NALF1: variants seen among roughly 807,000 people sequenced by gnomAD.
NALF1 encodes the protein family with sequence similarity 155 member A.
In NALF1, 3 loss-of-function variants were observed where a neutral mutation model predicts 48.4. The ratio of observed to expected loss-of-function variants is 0.06; its 90% CI spans 0.03 to 0.16. The LOEUF (loss-of-function observed/expected upper bound fraction) is 0.16, where lower values mean the gene tolerates loss of function less well. Ranked by LOEUF, NALF1 falls within the 10% of genes least tolerant of loss-of-function variation. The pLI, the probability that NALF1 is intolerant of heterozygous loss-of-function variation, is 1.00. For synonymous variants in NALF1, 262 were observed against 245.7 expected, an observed-to-expected ratio of 1.07 and a Z score of -0.62; for missense variants, 526 against 571.5, an observed-to-expected ratio of 0.92 and a Z score of 0.81.
intron 1 of NALF1, among the ~76,000 whole-genome samples, chr13:107,363,964 A>C (rs557261179): frequency 2.1e-4 from 32 of 152,324 alleles, no homozygotes; most frequent in Admixed American, 1.4e-3. Flanking sequence ...AATAGGCATA[A>C]ATAAAAATGA....
chr13:107,550,086 A>G (rs1204927636), intron 1 of NALF1, among the ~76,000 whole-genome samples: 1 of 152,172 alleles, frequency 6.6e-6, no homozygotes, highest in Non-Finnish European at 1.5e-5. Flanking sequence ...CACTTTAGAC[A>G]GCATTGAAAC....
chr13:107,289,673 G>A (rs1040264348), intron 1 of NALF1, among the ~76,000 whole-genome samples: 1 of 152,142 alleles, frequency 6.6e-6, no homozygotes, highest in Non-Finnish European at 1.5e-5. Flanking sequence ...GCATCTGAGT[G>A]TACACATGAA....
At chr13:107,707,929 T>G (rs1431696351) in intron 1 of NALF1, among the ~76,000 whole-genome samples, 1 of 152,158 alleles carries the variant, frequency 6.6e-6, no homozygotes, top group Non-Finnish European at 1.5e-5. Context: ...AGACACACAG[T>G]GATCTCTGGT....
chr13:107,258,604 A>G (rs1044180516), intron 1 of NALF1, among the ~76,000 whole-genome samples: 6 of 152,220 alleles, frequency 3.9e-5, no homozygotes, highest in African/African-American at 1.4e-4. Flanking sequence ...CTAACTAGAT[A>G]AGCTTGATAT....
rs1399948006 is a variant in NALF1, at chr13:107,386,044, A to G, written c.916-175289T>C. On this transcript the variant is annotated intron_variant, in intron 1 of 2. Transcript: ENST00000375915. Reference sequence around the variant, plus strand: ...GGTCTATAAAAACCAGATACTTACCAATTTTAGTTTTAAAATAGAGCTTCC... The same window carrying G: ...GGTCTATAAAAACCAGATACTTACCGATTTTAGTTTTAAAATAGAGCTTCC... 2.6e-5 allele frequency among the ~76,000 whole-genome samples: 4 copies of G among 152,196 alleles called. 1 individual carries two copies. The highest frequency in any genetic ancestry group is 6.5e-5 in the Admixed American group (1 of 15,276).
intron 1 of NALF1, among the ~76,000 whole-genome samples, chr13:107,378,353 C>T (rs758621582): frequency 7.3e-5 from 11 of 151,530 alleles, no homozygotes; most frequent in Admixed American, 1.3e-4. Context: ...GTGGTTATTA[C>T]AATGTAATTG....
intron 1 of NALF1, among the ~76,000 whole-genome samples, chr13:107,715,096 A>C (rs1297320498): frequency 6.6e-6 from 1 of 152,206 alleles, no homozygotes; most frequent in African/African-American, 2.4e-5. Context: ...TAATCACATC[A>C]GGATAATCGG....
chr13:107,397,334 A>T (rs965468419), intron 1 of NALF1, among the ~76,000 whole-genome samples: 1 of 152,160 alleles, frequency 6.6e-6, no homozygotes, highest in Non-Finnish European at 1.5e-5. Flanking sequence ...CCAGGACTCA[A>T]CCTTTGTTCT....
rs569568227 is a variant in NALF1 at position 107,703,087 on chromosome 13, G to A, written c.915+162595C>T. Reference sequence around the variant, plus strand: ...AATAACAGGATTGCTGGGTCAAATGGTATTTCTGCCTCAGAAATGTTCTAC... The same window carrying A: ...AATAACAGGATTGCTGGGTCAAATGATATTTCTGCCTCAGAAATGTTCTAC... On this transcript the variant is annotated intron_variant, in intron 1 of 2. Coordinates refer to ENST00000375915, the MANE Select transcript of NALF1 (RefSeq NM_001080396.3). Among the ~76,000 whole-genome samples, 25 of 152,200 alleles carry A rather than the reference G, an allele frequency of 1.6e-4. 2 individuals are homozygous for A. The South Asian group carries it at 5.0e-3, about 30-fold the overall frequency.
chr13:107,279,648 TG>T (rs1177290823), intron 1 of NALF1, among the ~76,000 whole-genome samples: 18 of 152,332 alleles, frequency 1.2e-4, no homozygotes, highest in African/African-American at 4.3e-4. Context: ...CCTATCTCTC[TG>T]TCTTCAATCC....
intron 1 of NALF1, among the ~76,000 whole-genome samples, chr13:107,336,737 C>T (rs1259511521): frequency 6.6e-6 from 1 of 152,026 alleles, no homozygotes; most frequent in African/African-American, 2.4e-5. Flanking sequence ...GGAAATGATC[C>T]TGAAAATAAT....
intron 1 of NALF1, among the ~76,000 whole-genome samples, chr13:107,448,834 T>C (rs1016612850): frequency 2.6e-5 from 4 of 152,216 alleles, no homozygotes; most frequent in African/African-American, 7.2e-5. Context: ...CTATGGTTTA[T>C]GTAGGTACCA....
At chr13:107,651,310 G>C (rs1880445549) in intron 1 of NALF1, among the ~76,000 whole-genome samples, 1 of 152,132 alleles carries the variant, frequency 6.6e-6, no homozygotes, top group East Asian at 1.9e-4. Flanking sequence ...CATAGGTCAT[G>C]CCAGGGATGC....
chr13:107,585,325 G>GA (rs528120987), intron 1 of NALF1, among the ~76,000 whole-genome samples: 5 of 143,618 alleles, frequency 3.5e-5, no homozygotes, highest in East Asian at 2.0e-4. Context: ...TGCGAGTAAA[G>GA]AAAAAAAATA....
chr13:107,353,979 T>G (rs961218103), intron 1 of NALF1, among the ~76,000 whole-genome samples: 6 of 152,228 alleles, frequency 3.9e-5, no homozygotes, highest in African/African-American at 1.4e-4. Flanking sequence ...GTTTTACTTC[T>G]CATAACAACC....
chr13:107,806,558 G>C (rs938562058), intron 1 of NALF1, among the ~76,000 whole-genome samples: 1 of 152,092 alleles, frequency 6.6e-6, no homozygotes, highest in African/African-American at 2.4e-5. Context: ...GTGTCAAAAT[G>C]TGACATCTGG....
chr13:107,270,412 T>C (rs760786792), intron 1 of NALF1, among the ~76,000 whole-genome samples: 1 of 152,050 alleles, frequency 6.6e-6, no homozygotes, highest in African/African-American at 2.4e-5. Context: ...TTTTGGTAAA[T>C]GTACCACCTG....
rs147285530 is a variant in NALF1 at position 107,845,428 on chromosome 13, G to A, written c.915+20254C>T. 1.8e-3 allele frequency among the ~76,000 whole-genome samples: 281 copies of A among 152,238 alleles called. 1 individual carries two copies. The highest frequency in any genetic ancestry group is 5.8e-3 in the African/African-American group (243 of 41,546). ...TGGATGTTGAGGTGGGCAGGGTAAT[G>A]GTGAACCTCAGCCTTAGTCAGCTTG... On this transcript the variant is annotated intron_variant, in intron 1 of 2. Coordinates refer to ENST00000375915, the MANE Select transcript of NALF1 (RefSeq NM_001080396.3).
At chr13:107,575,575 T>G (rs904812521) in intron 1 of NALF1, among the ~76,000 whole-genome samples, 2 of 152,116 alleles carry the variant, frequency 1.3e-5, no homozygotes, top group Admixed American at 1.3e-4. Flanking sequence ...TATAAACAAC[T>G]TGCCCTCGTC....
Sources: allele counts gnomAD v4.1 joint callset (sites outside exome capture counted in the v4.1 genomes callset), GRCh38; gene constraint gnomAD v4.1.1; transcripts MANE v1.5; gene names NCBI Gene and HGNC (gene_info 2026-07-23, HGNC 2026-07-21).